GABRB2: variants seen among roughly 807,000 people sequenced by gnomAD.
GABRB2 encodes the protein gamma-aminobutyric acid type A receptor subunit beta2.
In GABRB2, 16 loss-of-function variants were observed where a neutral mutation model predicts 54.7. That is an observed-to-expected ratio of 0.29 (90% CI 0.20 to 0.44). The LOEUF (loss-of-function observed/expected upper bound fraction) is 0.44. Among genes scored for constraint, GABRB2 ranks in the 20% least tolerant of loss-of-function variants. The pLI is 1.00. For synonymous variants in GABRB2, 244 were observed against 233.8 expected, an observed-to-expected ratio of 1.04 and a Z score of -0.40; for missense variants, 355 against 644.0, an observed-to-expected ratio of 0.55 and a Z score of 4.86.
At chr5:161,337,252 C>G (rs1478593519) in intron 5 of GABRB2, among the ~76,000 whole-genome samples, 1 of 152,048 alleles carries the variant, frequency 6.6e-6, no homozygotes, top group Non-Finnish European at 1.5e-5. Flanking sequence ...TTATCAAATT[C>G]TCCCCCAATA....
chr5:161,506,471 T>C (rs1364822137), intron 3 of GABRB2, among the ~76,000 whole-genome samples: 1 of 152,180 alleles, frequency 6.6e-6, no homozygotes, highest in Non-Finnish European at 1.5e-5. Flanking sequence ...GCTTACATTA[T>C]CTGATTTCAA....
At chr5:161,496,896 C>T (rs549263399) in intron 3 of GABRB2, among the ~76,000 whole-genome samples, 15 of 151,996 alleles carry the variant, frequency 9.9e-5, no homozygotes, top group Non-Finnish European at 2.1e-4. Context: ...ATAGTTTAAT[C>T]ATATATATGT....
chr5:161,538,039 T>C (rs1212717336), intron 3 of GABRB2, among the ~76,000 whole-genome samples: 1 of 152,088 alleles, frequency 6.6e-6, no homozygotes, highest in Admixed American at 6.6e-5. Context: ...GCCCTGTGTA[T>C]ATCCTCTTTC....
chr5:161,294,165 A>G lies in GABRB2; in HGVS notation c.1455T>C (p.Asn485=). ...KITIPDLTDV[N]AIDRWSRIFF... Reference sequence around the variant, plus strand: ...ATATGCGGGACCACCGATCTATGGCATTCACATCAGTCAAGTCAGGGATGG... The same window carrying G: ...ATATGCGGGACCACCGATCTATGGCGTTCACATCAGTCAAGTCAGGGATGG... Residue 485 remains asparagine (N), a synonymous_variant, in exon 10 of 10, where the codon AAT becomes AAC. Transcript: ENST00000393959. The G allele has an allele frequency of 6.2e-7, 1 of 1,614,166 alleles. No individual in the cohort carries two copies. Among genetic ancestry groups the G allele is most frequent in the Non-Finnish European group, 8.5e-7 (1 of 1,180,000 alleles).
chr5:161,316,714 C>T (rs192147721), intron 9 of GABRB2, among the ~76,000 whole-genome samples: 29 of 152,108 alleles, frequency 1.9e-4, no homozygotes, highest in Admixed American at 6.5e-4. Context: ...TGGGTTCAAG[C>T]GATTCTCCTG....
chr5:161,289,654 A>G lies in GABRB2; in HGVS notation c.*4427T>C, dbSNP rs1420326304. ...TATAAAAAAGTCTATTAAGTTATCA[A>G]TGATCATTTTTGCTTTTCCCAATTG... On this transcript the variant is annotated 3_prime_UTR_variant, in exon 10 of 10. Transcript: ENST00000393959. 1 of 152,116 alleles carries G rather than the reference A, an allele frequency of 6.6e-6. No individual in the cohort carries two copies. Among genetic ancestry groups the G allele is most frequent in the Non-Finnish European group, 1.5e-5 (1 of 68,010 alleles). The allele number at this position is 152,116 out of a possible 1,614,324, so 9.4% of individuals were successfully genotyped here. A position where few individuals can be genotyped will look rare whatever the true frequency, so the allele number is the denominator to read the frequency against.
At chr5:161,482,011 T>A (rs750079782) in intron 3 of GABRB2, among the ~76,000 whole-genome samples, 3 of 151,918 alleles carry the variant, frequency 2.0e-5, no homozygotes, top group Non-Finnish European at 4.4e-5. Context: ...CCCTGAAACT[T>A]GTCATTTTGC....
At chr5:161,529,521 T>A (rs1318385244) in intron 3 of GABRB2, among the ~76,000 whole-genome samples, 2 of 152,030 alleles carry the variant, frequency 1.3e-5, no homozygotes, top group East Asian at 3.9e-4. Flanking sequence ...TTCTCACAGG[T>A]TCTAGCTTCA....
intron 4 of GABRB2, among the ~76,000 whole-genome samples, chr5:161,457,646 C>T (rs1757997413): frequency 1.3e-5 from 2 of 151,956 alleles, no homozygotes; most frequent in South Asian, 4.2e-4. Flanking sequence ...CAGGCTTTCA[C>T]CGTGTTAGTC....
At position 161,374,696 on chromosome 5, in the gene GABRB2, G is replaced by T. The variant is rs545840894; in HGVS notation, c.541+36279C>A. 6.6e-4 allele frequency among the ~76,000 whole-genome samples: 101 copies of T among 152,188 alleles called. 1 individual carries two copies. In the Middle Eastern group the frequency reaches 0.01, roughly 15 times the overall value. ...TCTCTGTTCAAATCCTACCTTATTGGATTGACCTTTCATGATCACTGTATA... is the reference window on the plus strand; with the variant it reads ...TCTCTGTTCAAATCCTACCTTATTGTATTGACCTTTCATGATCACTGTATA... On this transcript the variant is annotated intron_variant, in intron 5 of 9. Coordinates refer to ENST00000393959, the MANE Select transcript of GABRB2 (RefSeq NM_001371727.1).
intron 5 of GABRB2, among the ~76,000 whole-genome samples, chr5:161,358,728 C>G (rs981659142): frequency 3.3e-5 from 5 of 152,002 alleles, no homozygotes; most frequent in Non-Finnish European, 7.4e-5. Context: ...ATTCAGTTTT[C>G]TTAGTGAGGT....
intron 5 of GABRB2, among the ~76,000 whole-genome samples, chr5:161,386,986 G>T (rs1456365685): frequency 1.3e-5 from 2 of 151,984 alleles, no homozygotes; most frequent in African/African-American, 4.8e-5. Context: ...ATAGAATATA[G>T]TTCTAAAGGG....
Position 161,415,132 on chromosome 5 carries a change from A to G in GABRB2, c.459-4075T>C, listed in dbSNP as rs144912749. Among the ~76,000 whole-genome samples the G allele has an allele frequency of 4.6e-5, 7 of 152,342 alleles. No individual in the cohort carries two copies. In the East Asian group the frequency reaches 1.4e-3, roughly 29 times the overall value. ...TACTAGGTGTCTTTGAAGTGAGGCT[A>G]GTACATCATTATGCAGGTATCCTGA... is the stretch of plus-strand genomic sequence containing the variant. On this transcript the variant is annotated intron_variant, in intron 4 of 9. Coordinates refer to ENST00000393959, the MANE Select transcript of GABRB2 (RefSeq NM_001371727.1).
chr5:161,429,345 C>CCAAAAAAAAAAAA (rs1554100235), intron 4 of GABRB2, among the ~76,000 whole-genome samples: 2 of 31,412 alleles, frequency 6.4e-5, no homozygotes, highest in Non-Finnish European at 1.0e-4. Flanking sequence ...GAATCCGTCT[C>CCAAAAAAAAAAAA]AAAAAAAAAA....
At chr5:161,357,378 C>T (rs538049064) in intron 5 of GABRB2, among the ~76,000 whole-genome samples, 1 of 152,260 alleles carries the variant, frequency 6.6e-6, no homozygotes, top group South Asian at 2.1e-4. Context: ...TCCAGCATGG[C>T]TGGAACAGAA....
chr5:161,457,675 T>C (rs559500489), intron 4 of GABRB2, among the ~76,000 whole-genome samples: 26 of 152,210 alleles, frequency 1.7e-4, no homozygotes, highest in Admixed American at 1.1e-3. Context: ...CTTGATCTCC[T>C]GACCTCGTGA....
chr5:161,448,314 T>C (rs949178575), intron 4 of GABRB2, among the ~76,000 whole-genome samples: 8 of 152,066 alleles, frequency 5.3e-5, no homozygotes, highest in African/African-American at 1.9e-4. Flanking sequence ...TCCCAGCTAC[T>C]GGGGAGGCTG....
chr5:161,381,050 C>T (rs1755450538), intron 5 of GABRB2, among the ~76,000 whole-genome samples: 1 of 152,078 alleles, frequency 6.6e-6, no homozygotes, highest in Non-Finnish European at 1.5e-5. Context: ...ATTAAGAGAC[C>T]TCTCAATCTT....
At chr5:161,379,631 C>G (rs1339142884) in intron 5 of GABRB2, among the ~76,000 whole-genome samples, 5 of 152,110 alleles carry the variant, frequency 3.3e-5, no homozygotes, top group African/African-American at 1.2e-4. Context: ...AGTCCACACT[C>G]TGGCTATAGA....
Sources: allele counts gnomAD v4.1 joint callset (sites outside exome capture counted in the v4.1 genomes callset), GRCh38; gene constraint gnomAD v4.1.1; transcripts MANE v1.5; gene names NCBI Gene and HGNC (gene_info 2026-07-23, HGNC 2026-07-21).